The following DYNLT5 variants were observed in gnomAD, a reference collection of about 807,000 sequenced individuals.
The protein encoded by DYNLT5 is dynein light chain Tctex-type 5.
DYNLT5 carries 25 observed loss-of-function variants against 19.3 expected under a neutral mutation model. The observed-to-expected ratio is 1.30, with a 90% CI of 0.95 to 1.81. DYNLT5 has a LOEUF of 1.81. Ranked by LOEUF, DYNLT5 falls within the 40% of genes most tolerant of loss-of-function variation. The pLI is 0.00. For missense variants in DYNLT5, 232 were observed against 217.9 expected, an observed-to-expected ratio of 1.06 and a Z score of -0.41; for synonymous variants, 82 against 68.9, an observed-to-expected ratio of 1.19 and a Z score of -0.94.
intron 2 of DYNLT5, among the ~76,000 whole-genome samples, chr1:66,764,775 T>C (rs1187770005): frequency 6.6e-6 from 1 of 152,098 alleles, no homozygotes; most frequent in Non-Finnish European, 1.5e-5. Context: ...ATAAAGTGAG[T>C]CACAATAAAT....
intron 3 of DYNLT5, among the ~76,000 whole-genome samples, chr1:66,771,562 G>A (rs1273718061): frequency 1.3e-5 from 2 of 152,218 alleles, no homozygotes; most frequent in Non-Finnish European, 2.9e-5. Context: ...TTGAAGGAAT[G>A]TAGGGGCTCT....
rs767133177 is a variant in DYNLT5 at position 66,752,509 on chromosome 1, C to A, written c.-79C>A. 3.7e-4 allele frequency: 368 copies of A among 985,446 alleles called. No individual in the cohort carries two copies. The highest frequency in any genetic ancestry group is 4.1e-4 in the Non-Finnish European group (344 of 830,046). 61.0% of individuals were successfully genotyped at this position (985,446 alleles called of 1,614,324 possible). A position where few individuals can be genotyped will look rare whatever the true frequency, so the allele number is the denominator to read the frequency against. On this transcript the variant is annotated 5_prime_UTR_variant, in exon 1 of 5. Transcript: ENST00000282670. ...GCCGCCGGCTGAATGAAGCCTGGGA[C>A]GCGGGAGCCGCGCCGCGCGCAGTGT...
chr1:66,777,146 A>G (rs1249818826), intron 4 of DYNLT5, 105 bp from the exon 5 acceptor site: 4 of 925,052 alleles, frequency 4.3e-6, no homozygotes, highest in Admixed American at 2.5e-5. Context: ...AGTATCTACA[A>G]TGCATCATGC....
chr1:66,774,288 A>G (rs1239973903), intron 3 of DYNLT5, among the ~76,000 whole-genome samples: 1 of 152,130 alleles, frequency 6.6e-6, no homozygotes, highest in Non-Finnish European at 1.5e-5. Flanking sequence ...GCAGTTTAAA[A>G]TAAAAATTCC....
chr1:66,767,949 C>A (rs1027337501), intron 2 of DYNLT5, among the ~76,000 whole-genome samples: 2 of 152,164 alleles, frequency 1.3e-5, no homozygotes, highest in Non-Finnish European at 2.9e-5. Context: ...CAAAAAGAGA[C>A]TGAGAATTTG....
At chr1:66,763,526 C>T (rs1029932411) in intron 2 of DYNLT5, among the ~76,000 whole-genome samples, 4 of 152,194 alleles carry the variant, frequency 2.6e-5, no homozygotes, top group African/African-American at 9.7e-5. Context: ...CTTATTGTAG[C>T]CCCTTCATCA....
chr1:66,756,237 G>C (rs2094635791), intron 2 of DYNLT5, among the ~76,000 whole-genome samples: 2 of 152,102 alleles, frequency 1.3e-5, no homozygotes, highest in African/African-American at 2.4e-5. Context: ...AAAACATTTA[G>C]AATGGAACCT....
intron 2 of DYNLT5, among the ~76,000 whole-genome samples, chr1:66,764,838 G>A (rs535000443): frequency 2.6e-5 from 4 of 152,280 alleles, no homozygotes; most frequent in Admixed American, 1.3e-4. Context: ...CTAAATAACT[G>A]CAAAACTAAC....
chr1:66,756,225 A>G (rs376207384), intron 2 of DYNLT5, among the ~76,000 whole-genome samples: 50 of 152,388 alleles, frequency 3.3e-4, no homozygotes, highest in Middle Eastern at 6.8e-3. Context: ...GGACTCCCAA[A>G]CAAAACATTT....
intron 2 of DYNLT5, among the ~76,000 whole-genome samples, chr1:66,765,281 C>G (rs1184730239): frequency 6.6e-6 from 1 of 152,124 alleles, no homozygotes; most frequent in Non-Finnish European, 1.5e-5. Flanking sequence ...CCAGGCATTT[C>G]ATAGTTACAA....
At chr1:66,772,777 A>G (rs1483970732) in intron 3 of DYNLT5, among the ~76,000 whole-genome samples, 1 of 152,220 alleles carries the variant, frequency 6.6e-6, no homozygotes, top group African/African-American at 2.4e-5. Context: ...GAGAAAAGGG[A>G]ATAGAAAAGG....
intron 2 of DYNLT5, among the ~76,000 whole-genome samples, chr1:66,760,049 C>T (rs898858563): frequency 6.6e-6 from 1 of 152,030 alleles, no homozygotes; most frequent in Non-Finnish European, 1.5e-5. Context: ...GGTTCATTTC[C>T]TCACCTCCTT....
At chr1:66,764,922 C>A (rs1252281021) in intron 2 of DYNLT5, among the ~76,000 whole-genome samples, 1 of 152,194 alleles carries the variant, frequency 6.6e-6, no homozygotes, top group Non-Finnish European at 1.5e-5. Context: ...GCATAACACT[C>A]ATAAAAATAT....
At chr1:66,774,465 C>T (rs74085098) in intron 3 of DYNLT5, among the ~76,000 whole-genome samples, 2,306 of 152,112 alleles carry the variant, frequency 0.015, 59 homozygotes, top group African/African-American at 0.052. Context: ...TCAACAATTT[C>T]TATATTATCA....
In DYNLT5 at chr1:66,752,594, C is replaced by T; in HGVS notation, c.-4+10C>T. The stretch of plus-strand genomic sequence containing the variant: ...AGCCTCCCTGCTGCAGGTAGGGTCG[C>T]CTCTCTCTGCAGCGCGTCTGGACCC... On this transcript the variant is annotated intron_variant, in intron 1 of 4. Coordinates refer to ENST00000282670, the MANE Select transcript of DYNLT5 (RefSeq NM_152665.3). 1 of 985,444 alleles carries T rather than the reference C, an allele frequency of 1.0e-6. No homozygotes were observed. Among genetic ancestry groups the T allele is most frequent in the Non-Finnish European group, 1.2e-6 (1 of 829,902 alleles). The allele number at this position is 985,444 out of a possible 1,614,324, so 61.0% of individuals were successfully genotyped here. A position where few individuals can be genotyped will look rare whatever the true frequency, so the allele number is the denominator to read the frequency against.
At position 66,778,447 on chromosome 1, in the gene DYNLT5, T is replaced by C. The variant is rs1645250017; in HGVS notation, c.*993T>C. 6.6e-6 allele frequency: 1 copy of C among 152,620 alleles called. No homozygotes were observed. 9.5% of individuals were successfully genotyped at this position (152,620 alleles called of 1,614,324 possible). A position where few individuals can be genotyped will look rare whatever the true frequency, so the allele number is the denominator to read the frequency against. ...TGGTTAATGTATCTTACGCCACGGATCATTTATTTTTATGAAGCTTTCAAG... is the reference window on the plus strand; with the variant it reads ...TGGTTAATGTATCTTACGCCACGGACCATTTATTTTTATGAAGCTTTCAAG... On this transcript the variant is annotated 3_prime_UTR_variant, in exon 5 of 5. Transcript: ENST00000282670.
chr1:66,769,439 T>A (rs1303072276), intron 2 of DYNLT5, among the ~76,000 whole-genome samples: 2 of 151,986 alleles, frequency 1.3e-5, no homozygotes, highest in Non-Finnish European at 2.9e-5. Flanking sequence ...AGAAAAAAGA[T>A]CCCCAAAGAT....
chr1:66,752,667 C>T, intron 1 of DYNLT5, 83 bp downstream of exon 1: 1 of 845,964 alleles, frequency 1.2e-6, no homozygotes, highest in African/African-American at 1.8e-5. Flanking sequence ...TGAGAAATGG[C>T]CCTACTTGGC....
chr1:66,771,046 C>G (rs567494657), intron 3 of DYNLT5: 1 of 157,334 alleles, frequency 6.4e-6, no homozygotes, highest in Admixed American at 6.3e-5. Flanking sequence ...TAAAAGCGTA[C>G]CTGCCCACTA....
Sources: allele counts gnomAD v4.1 joint callset (sites outside exome capture counted in the v4.1 genomes callset), GRCh38; gene constraint gnomAD v4.1.1; transcripts MANE v1.5; gene names NCBI Gene and HGNC (gene_info 2026-07-23, HGNC 2026-07-21).